Variants in PTBP3 observed in about 807,000 individuals in gnomAD.
PTBP3 encodes the protein polypyrimidine tract-binding protein 3.
In PTBP3, 20 loss-of-function variants were observed where a neutral mutation model predicts 58.7. That is an observed-to-expected ratio of 0.34 (90% confidence interval 0.24 to 0.50). The LOEUF is 0.50. Ranked by LOEUF, PTBP3 falls within the 20% of genes least tolerant of loss-of-function variation. PTBP3 has a pLI of 0.98. For missense variants in PTBP3, 509 were observed against 637.2 expected, an observed-to-expected ratio of 0.80 and a Z score of 2.17; for synonymous variants, 185 against 219.8, an observed-to-expected ratio of 0.84 and a Z score of 1.40.
At chr9:112,270,157 G>A (rs1465795158) in intron 3 of PTBP3, among the ~76,000 whole-genome samples, 2 of 152,014 alleles carry the variant, frequency 1.3e-5, no homozygotes, top group African/African-American at 4.8e-5. Context: ...ATGAAGGCTG[G>A]TCTTGAACTC....
the PTBP3 span, among the ~76,000 whole-genome samples, chr9:112,368,872 A>G: frequency 2.0e-5 from 3 of 152,230 alleles, no homozygotes; most frequent in Non-Finnish European, 4.4e-5. Flanking sequence ...ACCTAGGAGA[A>G]AGAAATGGTT....
At chr9:112,345,270 C>T in the PTBP3 span, among the ~76,000 whole-genome samples, 1 of 141,284 alleles carries the variant, frequency 7.1e-6, no homozygotes, top group Non-Finnish European at 1.5e-5. Flanking sequence ...CCAAAGAGTT[C>T]CAGGTGACAG....
At chr9:112,233,325 T>C (rs1835319760) in intron 8 of PTBP3, among the ~76,000 whole-genome samples, 1 of 150,444 alleles carries the variant, frequency 6.6e-6, no homozygotes, top group Admixed American at 6.7e-5. Flanking sequence ...GTATCTTCTA[T>C]CAGCTTAAAA....
intron 1 of PTBP3, among the ~76,000 whole-genome samples, chr9:112,303,726 T>C (rs1262431133): frequency 4.6e-5 from 7 of 151,982 alleles, no homozygotes; most frequent in African/African-American, 1.5e-4. Context: ...TAGCCAGGTG[T>C]GGTGGTGTGC....
intron 1 of PTBP3, among the ~76,000 whole-genome samples, chr9:112,320,291 A>AATATATATATATAT (rs1288195199): frequency 6.8e-5 from 5 of 73,526 alleles, no homozygotes; most frequent in South Asian, 5.2e-4. Context: ...AAAAAAAAAA[A>AATATATATATATAT]ATATATATAT....
intron 1 of PTBP3, among the ~76,000 whole-genome samples, chr9:112,304,968 GACA>G (rs1158181690): frequency 6.6e-6 from 1 of 152,096 alleles, no homozygotes; most frequent in African/African-American, 2.4e-5. Flanking sequence ...AAGTGAAACA[GACA>G]ACTTTTCTTT....
the PTBP3 span, among the ~76,000 whole-genome samples, chr9:112,355,506 G>A: frequency 6.6e-6 from 1 of 152,084 alleles, no homozygotes; most frequent in East Asian, 1.9e-4. Flanking sequence ...TGGTTTCAGG[G>A]CTGATATGAC....
chr9:112,247,002 C>T (rs948083058), intron 7 of PTBP3, among the ~76,000 whole-genome samples: 1 of 151,974 alleles, frequency 6.6e-6, no homozygotes, highest in African/African-American at 2.4e-5. Flanking sequence ...AAAAAATATC[C>T]TCCCTAGACT....
At chr9:112,336,814 T>C (rs939635595), upstream of PTBP3, among the ~76,000 whole-genome samples, 7 of 152,194 alleles carry the variant, frequency 4.6e-5, no homozygotes, top group Non-Finnish European at 8.8e-5. Flanking sequence ...CCGAAATTTA[T>C]TGTTCATACT....
intron 7 of PTBP3, among the ~76,000 whole-genome samples, chr9:112,239,470 C>T (rs1835557624): frequency 6.6e-6 from 1 of 152,080 alleles, no homozygotes; most frequent in African/African-American, 2.4e-5. Context: ...TGACTCACAC[C>T]TAGAATCCCA....
At chr9:112,336,907 T>G (rs1490765400), upstream of PTBP3, among the ~76,000 whole-genome samples, 7 of 152,190 alleles carry the variant, frequency 4.6e-5, no homozygotes, top group Non-Finnish European at 1.0e-4. Context: ...TCCTAAATAC[T>G]CAATGTCCAG....
At chr9:112,271,715 C>T (rs908242603) in intron 3 of PTBP3, among the ~76,000 whole-genome samples, 1 of 151,336 alleles carries the variant, frequency 6.6e-6, no homozygotes, top group Non-Finnish European at 1.5e-5. Context: ...CCAGCCTGGG[C>T]AACAGAGCAA....
rs1009869601 is a variant in PTBP3, at chr9:112,255,991, C to T, written c.517-3203G>A. Among the ~76,000 whole-genome samples the T allele has an allele frequency of 2.0e-5, 3 of 152,048 alleles. No homozygotes were observed. In the South Asian group the frequency reaches 6.2e-4, roughly 32 times the overall value. ...TTTATCAGCTGGGCACAGTGGCTCA[C>T]GCCTGTAATCCCAGCACTTTGGGAG... On this transcript the variant is annotated intron_variant, in intron 5 of 13. Transcript: ENST00000374257.
the PTBP3 span, among the ~76,000 whole-genome samples, chr9:112,358,077 G>T: frequency 6.6e-6 from 1 of 152,172 alleles, no homozygotes; most frequent in Non-Finnish European, 1.5e-5. Flanking sequence ...GAAGGCCAAG[G>T]CAGGTGGATC....
intron 3 of PTBP3, among the ~76,000 whole-genome samples, chr9:112,268,801 T>C (rs974710550): frequency 2.0e-5 from 3 of 152,292 alleles, no homozygotes; most frequent in African/African-American, 7.2e-5. Context: ...TTTCTGTTTC[T>C]TTTAAAATCC....
At chr9:112,339,118 C>T in the PTBP3 span, among the ~76,000 whole-genome samples, 4 of 151,614 alleles carry the variant, frequency 2.6e-5, no homozygotes, top group African/African-American at 9.7e-5. Flanking sequence ...GGCGAAATGC[C>T]GTCTCTACTA....
At chr9:112,379,718 G>A in the PTBP3 span, among the ~76,000 whole-genome samples, 2 of 152,234 alleles carry the variant, frequency 1.3e-5, no homozygotes. Context: ...GCACCTCTCG[G>A]AGGGCCCAAG....
rs150105244 is a variant in PTBP3 at position 112,321,386 on chromosome 9, G to A, written c.-52+12084C>T. 2.0e-4 allele frequency among the ~76,000 whole-genome samples: 31 copies of A among 151,886 alleles called. No homozygotes were observed. The East Asian group carries it at 5.8e-3, about 28-fold the overall frequency. On this transcript the variant is annotated intron_variant, in intron 1 of 13. Coordinates refer to ENST00000374257, the MANE Select transcript of PTBP3 (RefSeq NM_001163788.4). ...TCTATTAAAAATATAAAAATTAGCTGGGCATGGTGGCACGCACCTGTAATC... is the reference window on the plus strand; with the variant it reads ...TCTATTAAAAATATAAAAATTAGCTAGGCATGGTGGCACGCACCTGTAATC...
chr9:112,255,187 G>T (rs1011072326), intron 5 of PTBP3, among the ~76,000 whole-genome samples: 10 of 152,100 alleles, frequency 6.6e-5, no homozygotes, highest in African/African-American at 2.2e-4. Context: ...AAATAGACTG[G>T]TGATTACTGG....
Sources: gnomAD v4.1 joint callset for allele counts (sites outside exome capture counted in the v4.1 genomes callset) on GRCh38, gnomAD v4.1.1 for gene constraint, MANE v1.5 for transcripts, NCBI Gene and HGNC (gene_info 2026-07-23, HGNC 2026-07-21) for gene names.